The following ELAVL1 variants were observed in gnomAD, a reference collection of about 807,000 sequenced individuals.
ELAVL1 encodes the protein ELAV-like protein 1.
Under a neutral mutation model 28.4 loss-of-function variants are expected in ELAVL1, and 1 was observed. The observed-to-expected ratio is 0.04, with a 90% confidence interval of 0.01 to 0.17. The LOEUF is 0.17. Among genes scored for constraint, ELAVL1 ranks in the 10% least tolerant of loss-of-function variants. The pLI is 1.00. For missense variants in ELAVL1, 157 were observed against 447.2 expected, an observed-to-expected ratio of 0.35 and a Z score of 5.85; for synonymous variants, 174 against 183.5, an observed-to-expected ratio of 0.95 and a Z score of 0.42.
At chr19:7,987,307 C>T (rs1344052070) in intron 2 of ELAVL1, among the ~76,000 whole-genome samples, 2 of 152,176 alleles carry the variant, frequency 1.3e-5, no homozygotes, top group Non-Finnish European at 2.9e-5. Flanking sequence ...TCCGGCATGA[C>T]AGGTCATCCA....
In ELAVL1 at chr19:7,961,531, C is replaced by T. The variant is rs1432229562; in HGVS notation, c.*1952G>A. 1 of 152,226 alleles carries T rather than the reference C, an allele frequency of 6.6e-6. No homozygotes were observed. The highest frequency in any genetic ancestry group is 6.5e-5 in the Admixed American group (1 of 15,282). 9.4% of individuals were successfully genotyped at this position (152,226 alleles called of 1,614,324 possible). On this transcript the variant is annotated 3_prime_UTR_variant, in exon 6 of 6. Transcript: ENST00000407627. Reference sequence around the variant, plus strand: ...CTGGTCCCAGGATGCAGACTGCTCTCGGGCAACAGAGCAGGGACCCTCTTT... The same window carrying T: ...CTGGTCCCAGGATGCAGACTGCTCTTGGGCAACAGAGCAGGGACCCTCTTT...
chr19:7,971,456 C>G (rs1985109311), intron 4 of ELAVL1, among the ~76,000 whole-genome samples: 1 of 152,242 alleles, frequency 6.6e-6, no homozygotes, highest in Non-Finnish European at 1.5e-5. Flanking sequence ...GCACAGCCAG[C>G]TCAGATGCCC....
rs556186931 is a variant in ELAVL1 at position 7,992,183 on chromosome 19, C to T, written c.-16-352G>A. 2.4e-3 allele frequency among the ~76,000 whole-genome samples: 367 copies of T among 152,252 alleles called. 1 individual carries two copies. Among genetic ancestry groups the T allele is most frequent in the Non-Finnish European group, 3.9e-3 (265 of 68,012 alleles). Reference sequence around the variant, plus strand: ...CTCAAACTCCTGAACTCAGGTGATCCACCTGCCTCGGCCTCCCAAAGTGCT... The same window carrying T: ...CTCAAACTCCTGAACTCAGGTGATCTACCTGCCTCGGCCTCCCAAAGTGCT... On this transcript the variant is annotated intron_variant, in intron 1 of 5. Transcript: ENST00000407627.
rs186106807 is a variant in ELAVL1, at chr19:7,971,750, G to C, written c.430+1975C>G. 2.5e-3 allele frequency among the ~76,000 whole-genome samples: 385 copies of C among 152,362 alleles called. 4 individuals carry two copies. The highest frequency in any genetic ancestry group is 8.8e-3 in the African/African-American group (367 of 41,598). On this transcript the variant is annotated intron_variant, in intron 4 of 5. Coordinates refer to ENST00000407627, the MANE Select transcript of ELAVL1 (RefSeq NM_001419.3). The stretch of plus-strand genomic sequence containing the variant: ...TCCCAGGGCCCCCATGAAGTGCAAA[G>C]GGGCCCTTCCCCTCCTCGGGCCCCA...
chr19:7,971,022 G>A (rs1354127753), intron 4 of ELAVL1, among the ~76,000 whole-genome samples: 1 of 152,162 alleles, frequency 6.6e-6, no homozygotes, highest in Non-Finnish European at 1.5e-5. Flanking sequence ...AAGCAGAGCC[G>A]GGAGACCCTC....
At chr19:7,977,880 C>G (rs1280370615) in intron 3 of ELAVL1, among the ~76,000 whole-genome samples, 1 of 152,262 alleles carries the variant, frequency 6.6e-6, no homozygotes, top group Non-Finnish European at 1.5e-5. Context: ...ATGTGCCTGG[C>G]CACTGGGTCT....
chr19:7,989,349 C>T (rs976535777), intron 2 of ELAVL1, among the ~76,000 whole-genome samples: 5 of 152,184 alleles, frequency 3.3e-5, no homozygotes, highest in African/African-American at 7.2e-5. Context: ...ACTCCTGGTG[C>T]GCCAGTTACT....
At position 7,981,330 on chromosome 19, in the gene ELAVL1, C is replaced by A; in HGVS notation, c.173-144G>T. 1.3e-4 allele frequency: 76 copies of A among 597,620 alleles called. No individual in the cohort carries two copies. The highest frequency in any genetic ancestry group is 3.3e-4 in the Middle Eastern group (1 of 3,046). 37.0% of individuals were successfully genotyped at this position (597,620 alleles called of 1,614,324 possible). On this transcript the variant is annotated intron_variant, in intron 2 of 5. Coordinates refer to ENST00000407627, the MANE Select transcript of ELAVL1 (RefSeq NM_001419.3). This position sits in a 1 kb window ranked among gnomAD's most constrained non-coding sequence, Gnocchi z 4.2. Reference sequence around the variant, plus strand: ...CTTTATTTTCTTTGGCAAACACGTACATTTTCTGCAATGAACACAGGTTCC... The same window carrying A: ...CTTTATTTTCTTTGGCAAACACGTAAATTTTCTGCAATGAACACAGGTTCC...
intron 4 of ELAVL1, among the ~76,000 whole-genome samples, chr19:7,969,013 CG>C (rs1207113068): frequency 6.6e-6 from 1 of 152,124 alleles, no homozygotes; most frequent in East Asian, 1.9e-4. Context: ...GCGGGAGTCA[CG>C]GGTGTGTCCC....
chr19:7,975,783 T>A (rs1006580895), intron 3 of ELAVL1, among the ~76,000 whole-genome samples: 1 of 152,242 alleles, frequency 6.6e-6, no homozygotes, highest in African/African-American at 2.4e-5. Flanking sequence ...GGGTGATCTC[T>A]AATCAAATGT....
chr19:7,975,833 G>A (rs932526826), intron 3 of ELAVL1, among the ~76,000 whole-genome samples: 10 of 152,236 alleles, frequency 6.6e-5, no homozygotes, highest in Non-Finnish European at 1.0e-4. Flanking sequence ...TAGGCCAGGT[G>A]TGGTGGCGCA....
intron 1 of ELAVL1, chr19:8,001,969 A>C: frequency 8.8e-7 from 1 of 1,140,920 alleles, no homozygotes; most frequent in Non-Finnish European, 1.2e-6. Context: ...ACAGCCTGTG[A>C]CTGGTTTCTC....
chr19:7,973,961 A>G, intron 3 of ELAVL1, 83 bp from the exon 4 acceptor site: 1 of 1,520,802 alleles, frequency 6.6e-7, no homozygotes. Flanking sequence ...GGGTTAGGAA[A>G]AGCCAACACT....
intron 1 of ELAVL1, among the ~76,000 whole-genome samples, chr19:8,003,691 CAAAAA>C (rs35438998): frequency 1.2e-5 from 1 of 80,776 alleles, no homozygotes; most frequent in Non-Finnish European, 2.5e-5. Flanking sequence ...GACTCCGTCT[CAAAAA>C]AAAAAAAAAA....
At chr19:7,975,288 G>A (rs1479317208) in intron 3 of ELAVL1, among the ~76,000 whole-genome samples, 2 of 152,206 alleles carry the variant, frequency 1.3e-5, no homozygotes, top group Non-Finnish European at 2.9e-5. Context: ...TGACCCTGGC[G>A]CCAGTGGAGC....
chr19:7,980,329 C>T (rs1284385604), intron 3 of ELAVL1, among the ~76,000 whole-genome samples: 3 of 152,198 alleles, frequency 2.0e-5, no homozygotes, highest in East Asian at 1.9e-4. Context: ...GAGCAAAGGT[C>T]GGAAAGACAC....
At chr19:7,973,260 T>A in intron 4 of ELAVL1, 1 of 192,188 alleles carries the variant, frequency 5.2e-6, no homozygotes. Flanking sequence ...AGACGGAGTC[T>A]CGCTCTGTCA....
chr19:7,971,262 C>CAAGA (rs1243994416), intron 4 of ELAVL1, among the ~76,000 whole-genome samples: 1 of 152,186 alleles, frequency 6.6e-6, no homozygotes. Context: ...GGGAAGGCCC[C>CAAGA]AAGAGAGTTG....
At chr19:7,993,079 T>A (rs1945528610) in intron 1 of ELAVL1, among the ~76,000 whole-genome samples, 2 of 152,148 alleles carry the variant, frequency 1.3e-5, no homozygotes, top group Admixed American at 6.5e-5. Flanking sequence ...TCTTTCTATT[T>A]AAAAAAAATT....
Sources: gnomAD v4.1 joint callset for allele counts (sites outside exome capture counted in the v4.1 genomes callset) on GRCh38, gnomAD v4.1.1 for gene constraint, Gnocchi (gnomAD v3.1) non-coding constraint, MANE v1.5 for transcripts, NCBI Gene and HGNC (gene_info 2026-07-23, HGNC 2026-07-21) for gene names.